The following EBF4 variants were observed in gnomAD, a reference collection of about 807,000 sequenced individuals.
The protein encoded by EBF4 is transcription factor COE4.
Under a neutral mutation model 67.1 loss-of-function variants are expected in EBF4, and 34 were observed. The ratio of observed to expected loss-of-function variants is 0.51; its 90% CI spans 0.39 to 0.67. EBF4 has a LOEUF of 0.67. Ranked by LOEUF, EBF4 falls within the 30% of genes least tolerant of loss-of-function variation. The probability of loss-of-function intolerance (pLI) is 0.00; values close to 1 mark genes in which losing one functional copy is unlikely to be tolerated. For missense variants in EBF4, 837 were observed against 873.3 expected, an observed-to-expected ratio of 0.96 and a Z score of 0.52; for synonymous variants, 387 against 377.7, an observed-to-expected ratio of 1.02 and a Z score of -0.29.
intron 1 of EBF4, among the ~76,000 whole-genome samples, chr20:2,694,238 G>A (rs1423672020): frequency 6.6e-6 from 1 of 152,236 alleles, no homozygotes; most frequent in African/African-American, 2.4e-5. Flanking sequence ...GCCCCTCAGA[G>A]TTGGCGGATG....
Position 2,746,134 on chromosome 20 carries a change from G to A in EBF4, c.558-2415G>A, listed in dbSNP as rs141605499. Among the ~76,000 whole-genome samples the A allele has an allele frequency of 1.5e-3, 231 of 152,234 alleles. 1 individual carries two copies. Among genetic ancestry groups the A allele is most frequent in the Non-Finnish European group, 2.4e-3 (162 of 68,006 alleles). On this transcript the variant is annotated intron_variant, in intron 6 of 16. Transcript: ENST00000609451. Reference sequence around the variant, plus strand: ...GTGGGGCATGGATGAGGAACATGTCGCACATGTGGGTGTAGTGTGTTTACA... The same window carrying A: ...GTGGGGCATGGATGAGGAACATGTCACACATGTGGGTGTAGTGTGTTTACA...
chr20:2,738,538 C>T (rs958967347), intron 6 of EBF4, among the ~76,000 whole-genome samples: 4 of 152,172 alleles, frequency 2.6e-5, no homozygotes, highest in African/African-American at 9.7e-5. Context: ...TGCACCAGCC[C>T]CTTCCTGCCG....
chr20:2,759,134 C>T (rs2088288653), intron 16 of EBF4, 134 bp from the exon 17 acceptor site: 2 of 757,716 alleles, frequency 2.6e-6, no homozygotes, highest in African/African-American at 3.5e-5. Flanking sequence ...CCCCGGGGCC[C>T]ATCTAGACAG....
upstream of EBF4, chr20:2,692,798 C>A: frequency 7.3e-6 from 1 of 136,766 alleles, no homozygotes; most frequent in Admixed American, 7.7e-5. This position sits in a 1 kb window ranked among gnomAD's most constrained non-coding sequence, Gnocchi z 6.4. Context: ...CTACCGCTCC[C>A]CCGGGAGCGG....
In EBF4 at chr20:2,747,398, A is replaced by G. The variant is rs1490011505; in HGVS notation, c.558-1151A>G. On this transcript the variant is annotated intron_variant, in intron 6 of 16. Transcript: ENST00000609451. The surrounding 1 kb of genome is among the most constrained non-coding windows in gnomAD (Gnocchi z 4.6). Reference sequence around the variant, plus strand: ...TACCTTACTGGTAGGTGACAGGACCAAGGACCCACCCTCCCAGCCAACTGC... The same window carrying G: ...TACCTTACTGGTAGGTGACAGGACCGAGGACCCACCCTCCCAGCCAACTGC... Among the ~76,000 whole-genome samples, 1 of 152,202 alleles carries G rather than the reference A, an allele frequency of 6.6e-6. No individual in the cohort carries two copies. The highest frequency in any genetic ancestry group is 1.5e-5 in the Non-Finnish European group (1 of 68,030).
chr20:2,711,952 T>C (rs146587495), intron 6 of EBF4, among the ~76,000 whole-genome samples: 20 of 152,278 alleles, frequency 1.3e-4, no homozygotes, highest in Non-Finnish European at 2.8e-4. Flanking sequence ...TATTTATGTA[T>C]CTGGGGGAAG....
intron 14 of EBF4, among the ~76,000 whole-genome samples, chr20:2,753,370 T>G (rs2088187794): frequency 6.6e-6 from 1 of 152,222 alleles, no homozygotes; most frequent in Non-Finnish European, 1.5e-5. Flanking sequence ...CCGAACGGCT[T>G]TGATGCCTTG....
chr20:2,714,336 C>CTCTT (rs1026395891), intron 6 of EBF4, among the ~76,000 whole-genome samples: 1 of 151,206 alleles, frequency 6.6e-6, no homozygotes, highest in Non-Finnish European at 1.5e-5. Context: ...CTTTCTCTCT[C>CTCTT]TCTTTCTTTC....
At chr20:2,703,058 G>A (rs2087398821) in intron 1 of EBF4, among the ~76,000 whole-genome samples, 1 of 151,508 alleles carries the variant, frequency 6.6e-6, no homozygotes, top group Non-Finnish European at 1.5e-5. Context: ...GGAGAAAGCT[G>A]GAGCCCAGAA....
rs1047386632 is a variant in EBF4, at chr20:2,739,885, A to G, written c.558-8664A>G. 2.0e-5 allele frequency among the ~76,000 whole-genome samples: 3 copies of G among 152,218 alleles called. No individual in the cohort carries two copies. Among genetic ancestry groups the G allele is most frequent in the African/African-American group, 7.2e-5 (3 of 41,456 alleles). On this transcript the variant is annotated intron_variant, in intron 6 of 16. Transcript: ENST00000609451. This position sits in a 1 kb window ranked among gnomAD's most constrained non-coding sequence, Gnocchi z 4.5. The stretch of plus-strand genomic sequence containing the variant: ...TCACTCTTAACCTGCTGTCTTTCCC[A>G]AGGCCTTCACAGGACACACTGTTGT...
Position 2,751,842 on chromosome 20 carries a change from G to T in EBF4, c.1107+54G>T. 6.5e-7 allele frequency: 1 copy of T among 1,541,384 alleles called. No homozygotes were observed. Among genetic ancestry groups the T allele is most frequent in the Non-Finnish European group, 8.8e-7 (1 of 1,139,786 alleles). On this transcript the variant is annotated intron_variant, in intron 11 of 16. Coordinates refer to ENST00000609451, the Ensembl canonical transcript of EBF4. The surrounding 1 kb of genome is among the most constrained non-coding windows in gnomAD (Gnocchi z 5.2). The stretch of plus-strand genomic sequence containing the variant: ...CTGAGGGTGTCCTGTGGGCAAGGGG[G>T]TGAGGAGGGGCTCCCGAGGGCCCCT...
chr20:2,716,213 C>A (rs1255722716), intron 6 of EBF4, among the ~76,000 whole-genome samples: 4 of 140,492 alleles, frequency 2.8e-5, no homozygotes, highest in African/African-American at 5.7e-5. Flanking sequence ...AGAGTAAGAC[C>A]CTGTCTTAAA....
chr20:2,750,560 C>A (rs574445504), intron 10 of EBF4, among the ~76,000 whole-genome samples: 1 of 152,166 alleles, frequency 6.6e-6, no homozygotes. Flanking sequence ...CCTCCCGCCC[C>A]GCCCCAGCTG....
intron 6 of EBF4, among the ~76,000 whole-genome samples, chr20:2,713,516 G>T (rs550348581): frequency 6.6e-6 from 1 of 152,282 alleles, no homozygotes; most frequent in South Asian, 2.1e-4. Flanking sequence ...AAGCGGCACT[G>T]AGGGTACCCT....
rs2088100091 is a variant in EBF4 at position 2,749,280 on chromosome 20, C to T, written c.640-121C>T. 17 of 717,498 alleles carry T rather than the reference C, an allele frequency of 2.4e-5. 1 individual carries two copies. The South Asian group carries it at 3.2e-4, about 14-fold the overall frequency. The allele number at this position is 717,498 out of a possible 1,614,324, so 44.4% of individuals were successfully genotyped here. A position where few individuals can be genotyped will look rare whatever the true frequency, so the allele number is the denominator to read the frequency against. ...CTGCAGGATTGAAGCCCTCCTCCTC[C>T]CACCAGTGACCCTAAATTCCAGCAT... On this transcript the variant is annotated intron_variant, in intron 7 of 16. Transcript: ENST00000609451.
chr20:2,758,790 C>CT lies in EBF4; in HGVS notation c.1739-118dup. ...TGCCATGGGCCAGGGCTAGGGATGG[C>CT]TGACTGCCTTCAGAAAGTGCTATAT... On this transcript the variant is annotated intron_variant, in intron 15 of 16. Transcript: ENST00000609451. 26 of 869,474 alleles carry CT rather than the reference C, an allele frequency of 3.0e-5. No homozygotes were observed. In the South Asian group the frequency reaches 3.9e-4, roughly 13 times the overall value. 53.9% of individuals were successfully genotyped at this position (869,474 alleles called of 1,614,324 possible).
In EBF4 at chr20:2,694,398, CAG is replaced by C. The variant is rs1323733161; in HGVS notation, c.137+621_137+622del. 2.0e-5 allele frequency among the ~76,000 whole-genome samples: 3 copies of C among 152,276 alleles called. No individual in the cohort carries two copies. The East Asian group carries it at 5.8e-4, about 29-fold the overall frequency. On this transcript the variant is annotated intron_variant, in intron 1 of 16. Coordinates refer to ENST00000609451, the Ensembl canonical transcript of EBF4. ...TTTTTCTGGTAGGTCCTTTGGAAGG[CAG>C]AGAGTCCCTGGGAACCCAGCACCCG...
intron 6 of EBF4, among the ~76,000 whole-genome samples, chr20:2,738,287 C>T (rs1233652260): frequency 6.6e-6 from 1 of 152,196 alleles, no homozygotes; most frequent in Admixed American, 6.5e-5. Flanking sequence ...CAACTTCTTT[C>T]CTTCAGACTC....
rs112877499 is a variant in EBF4, at chr20:2,745,214, C to T, written c.558-3335C>T. 0.014 allele frequency among the ~76,000 whole-genome samples: 2,103 copies of T among 152,290 alleles called. 48 individuals are homozygous for T. The highest frequency in any genetic ancestry group is 0.041 in the African/African-American group (1,702 of 41,548). On this transcript the variant is annotated intron_variant, in intron 6 of 16. Coordinates refer to ENST00000609451, the Ensembl canonical transcript of EBF4. This position sits in a 1 kb window ranked among gnomAD's most constrained non-coding sequence, Gnocchi z 5.2. ...GTAGCAAGGTCTCAGGTGACGCTGACGCTGCTGGTCTTAGGGGGTGGTGCA... is the reference window on the plus strand; with the variant it reads ...GTAGCAAGGTCTCAGGTGACGCTGATGCTGCTGGTCTTAGGGGGTGGTGCA...
Sources: allele counts gnomAD v4.1 joint callset (sites outside exome capture counted in the v4.1 genomes callset), GRCh38; gene constraint gnomAD v4.1.1; non-coding constraint Gnocchi (gnomAD v3.1); transcripts MANE v1.5; gene names NCBI Gene and HGNC (gene_info 2026-07-23, HGNC 2026-07-21).